The following PRELID2 variants were observed in gnomAD, a reference collection of about 807,000 sequenced individuals.
The protein encoded by PRELID2 is PRELI domain-containing protein 2.
A neutral mutation model predicts 28.4 loss-of-function variants in PRELID2; 25 were observed. The ratio of observed to expected loss-of-function variants is 0.88; its 90% confidence interval spans 0.64 to 1.23. PRELID2 has a LOEUF of 1.23. PRELID2 is among the 50% of genes most tolerant of loss of function. PRELID2 has a pLI of 0.00. For synonymous variants in PRELID2, 76 were observed against 71.6 expected (o/e 1.06, Z -0.31); for missense variants, 201 against 214.4 (o/e 0.94, Z 0.39).
chr5:145,324,857 G>C, the PRELID2 span, among the ~76,000 whole-genome samples: 1 of 152,184 alleles, frequency 6.6e-6, no homozygotes, highest in African/African-American at 2.4e-5. Context: ...AGAAAAAAGT[G>C]TGTCTGGATT....
chr5:145,611,835 A>G (rs1317958310), intron 1 of PRELID2, among the ~76,000 whole-genome samples: 1 of 152,212 alleles, frequency 6.6e-6, no homozygotes, highest in Non-Finnish European at 1.5e-5. Flanking sequence ...TAGGCCAAAA[A>G]TAGCCAAAAC....
chr5:145,820,691 CAGA>C (rs568364228), intron 2 of PRELID2, among the ~76,000 whole-genome samples: 3 of 152,098 alleles, frequency 2.0e-5, no homozygotes, highest in Non-Finnish European at 4.4e-5. Flanking sequence ...ATGGTCTCCT[CAGA>C]AGAAGAAGGA....
the PRELID2 span, among the ~76,000 whole-genome samples, chr5:145,250,897 A>G: frequency 6.6e-6 from 1 of 152,166 alleles, no homozygotes; most frequent in African/African-American, 2.4e-5. Context: ...TGCCTGGAAG[A>G]GCACAGAAAA....
the PRELID2 span, among the ~76,000 whole-genome samples, chr5:145,377,682 G>A: frequency 6.6e-6 from 1 of 151,850 alleles, no homozygotes; most frequent in Admixed American, 6.6e-5. Flanking sequence ...AACTAGGATT[G>A]CAACCCCGTT....
In PRELID2 at chr5:145,835,215, A is replaced by G. The variant is rs931356824; in HGVS notation, c.37T>C (p.Tyr13His). Reference sequence around the variant, plus strand: ...CTGGCGACCACCTGCTCGAAGGGGTACTTGTACACCTGGTGCACATCCACC... The same window carrying G: ...CTGGCGACCACCTGCTCGAAGGGGTGCTTGTACACCTGGTGCACATCCACC... Reference protein sequence around the residue: ...VSVDVHQVYKYPFEQVVASFL... With the variant: ...VSVDVHQVYKHPFEQVVASFL... Residue 13 changes from tyrosine to histidine, a missense_variant, in exon 1 of 7, where the codon TAC becomes CAC. By Grantham distance (83) the Tyr-to-His change is moderately conservative (BLOSUM62 2). Coordinates refer to ENST00000683046, the MANE Select transcript of PRELID2 (RefSeq NM_205846.3). 6.5e-7 allele frequency: 1 copy of G among 1,550,078 alleles called. No homozygotes were observed. Among genetic ancestry groups the G allele is most frequent in the South Asian group, 1.2e-5 (1 of 83,948 alleles).
chr5:145,347,732 C>T, the PRELID2 span, among the ~76,000 whole-genome samples: 5 of 151,874 alleles, frequency 3.3e-5, no homozygotes, highest in African/African-American at 1.2e-4. Context: ...TGAAAGGATT[C>T]TAGAAAATAT....
the PRELID2 span, among the ~76,000 whole-genome samples, chr5:145,397,408 C>G: frequency 6.6e-6 from 1 of 152,132 alleles, no homozygotes; most frequent in Non-Finnish European, 1.5e-5. Flanking sequence ...ATATTGTCCA[C>G]TGAGGGACCA....
the PRELID2 span, among the ~76,000 whole-genome samples, chr5:145,411,399 G>T: frequency 2.5e-3 from 381 of 152,250 alleles, no homozygotes; most frequent in African/African-American, 7.4e-3. Flanking sequence ...GATGAGATTT[G>T]GGTGGGGACA....
At chr5:145,716,186 A>G (rs1474917372) in intron 1 of PRELID2, among the ~76,000 whole-genome samples, 1 of 152,230 alleles carries the variant, frequency 6.6e-6, no homozygotes, top group African/African-American at 2.4e-5. Flanking sequence ...GTCTTCTGTT[A>G]GAATGTAAAA....
At chr5:145,320,493 C>CTG in the PRELID2 span, among the ~76,000 whole-genome samples, 1 of 151,996 alleles carries the variant, frequency 6.6e-6, no homozygotes, top group Non-Finnish European at 1.5e-5. Context: ...CGGGATGGTC[C>CTG]ACTCAACAGC....
chr5:145,443,835 G>A, the PRELID2 span, among the ~76,000 whole-genome samples: 1 of 151,990 alleles, frequency 6.6e-6, no homozygotes, highest in Non-Finnish European at 1.5e-5. Context: ...TAAAGTTGGA[G>A]CCCCTATTTT....
At chr5:145,650,559 T>C (rs1483682806) in intron 1 of PRELID2, among the ~76,000 whole-genome samples, 3 of 134,558 alleles carry the variant, frequency 2.2e-5, no homozygotes, top group Admixed American at 1.5e-4. Flanking sequence ...TATATATATA[T>C]ATATATATAT....
intron 1 of PRELID2, among the ~76,000 whole-genome samples, chr5:145,657,144 C>G (rs1352966654): frequency 6.6e-6 from 1 of 151,946 alleles, no homozygotes; most frequent in Non-Finnish European, 1.5e-5. Flanking sequence ...GGAAATGGGT[C>G]AAACAGATAA....
the PRELID2 span, among the ~76,000 whole-genome samples, chr5:145,252,942 AT>A: frequency 6.6e-6 from 1 of 152,132 alleles, no homozygotes; most frequent in Non-Finnish European, 1.5e-5. Flanking sequence ...ATTTTACTAT[AT>A]TTTAAAAAAC....
intron 5 of PRELID2, among the ~76,000 whole-genome samples, chr5:145,780,838 A>T (rs529842543): frequency 6.6e-6 from 1 of 152,330 alleles, no homozygotes; most frequent in Admixed American, 6.5e-5. Flanking sequence ...GGACTCAATA[A>T]GAAAGGAGTT....
the PRELID2 span, among the ~76,000 whole-genome samples, chr5:145,401,590 G>C: frequency 6.6e-6 from 1 of 152,116 alleles, no homozygotes; most frequent in Non-Finnish European, 1.5e-5. Context: ...GAGAATGTTA[G>C]CTTGTGTGAG....
chr5:145,365,972 T>C, the PRELID2 span, among the ~76,000 whole-genome samples: 2 of 151,850 alleles, frequency 1.3e-5, no homozygotes, highest in Non-Finnish European at 2.9e-5. Context: ...TCTCTAGACA[T>C]CCTGGCAAAA....
chr5:145,546,158 T>C (rs769830524), intron 1 of PRELID2, among the ~76,000 whole-genome samples: 6 of 152,184 alleles, frequency 3.9e-5, no homozygotes, highest in Non-Finnish European at 7.3e-5. Context: ...TCATTATATT[T>C]ATCATTTTTG....
the PRELID2 span, among the ~76,000 whole-genome samples, chr5:145,282,777 C>G: frequency 1.3e-5 from 2 of 152,094 alleles, no homozygotes; most frequent in Admixed American, 1.3e-4. Flanking sequence ...CCTCTGCCTC[C>G]CACTGTGCTA....
Sources: allele counts gnomAD v4.1 joint callset (sites outside exome capture counted in the v4.1 genomes callset), GRCh38; gene constraint gnomAD v4.1.1; transcripts MANE v1.5; gene names NCBI Gene and HGNC (gene_info 2026-07-23, HGNC 2026-07-21).